The following GLB1L2 variants were observed in gnomAD, a reference collection of about 807,000 sequenced individuals.
The protein encoded by GLB1L2 is galactosidase beta 1 like 2.
A neutral mutation model predicts 84.1 loss-of-function variants in GLB1L2; 68 were observed. The observed-to-expected ratio is 0.81, with a 90% CI of 0.67 to 0.99. GLB1L2 has a LOEUF of 0.99. Among genes scored for constraint, GLB1L2 ranks in the 50% least tolerant of loss-of-function variants. GLB1L2 has a pLI of 0.00. For missense variants in GLB1L2, 762 were observed against 805.6 expected (o/e 0.95, Z 0.66); for synonymous variants, 290 against 318.0 (o/e 0.91, Z 0.94).
At chr11:134,360,462 A>G (rs1332270021) in intron 7 of GLB1L2, 1 of 152,308 alleles carries the variant, frequency 6.6e-6, no homozygotes, top group East Asian at 1.9e-4. Flanking sequence ...GCTGCTTCCA[A>G]GGCCTGCTCC....
rs536856950 is a variant in GLB1L2 at position 134,376,184 on chromosome 11, C to G, written c.*1126C>G. On this transcript the variant is annotated 3_prime_UTR_variant, in exon 19 of 19. Transcript: ENST00000535456. ...TCAGTGGCCCCCGCCCCCCACCCCCCACGCCCGAACAGCAGGGGCAGAGCA... is the reference window on the plus strand; with the variant it reads ...TCAGTGGCCCCCGCCCCCCACCCCCGACGCCCGAACAGCAGGGGCAGAGCA... 6 of 153,214 alleles carry G rather than the reference C, an allele frequency of 3.9e-5. No individual in the cohort carries two copies. The East Asian group carries it at 9.6e-4, about 25-fold the overall frequency. 9.5% of individuals were successfully genotyped at this position (153,214 alleles called of 1,614,324 possible).
At chr11:134,341,305 A>C (rs892681379) in intron 1 of GLB1L2, among the ~76,000 whole-genome samples, 1 of 152,250 alleles carries the variant, frequency 6.6e-6, no homozygotes, top group South Asian at 2.1e-4. Flanking sequence ...AGCCTTTCTG[A>C]GCAGTTGGGA....
At chr11:134,360,750 C>T (rs576739371) in intron 7 of GLB1L2, 5 of 152,120 alleles carry the variant, frequency 3.3e-5, no homozygotes, top group East Asian at 1.9e-4. Flanking sequence ...GCCTACTCTT[C>T]GTTACATTCT....
chr11:134,347,731 C>T (rs1012930772), intron 5 of GLB1L2, among the ~76,000 whole-genome samples: 4 of 152,126 alleles, frequency 2.6e-5, no homozygotes, highest in Non-Finnish European at 5.9e-5. Context: ...AACACGCATC[C>T]ACTGGCATCT....
In GLB1L2 at chr11:134,371,055, T is replaced by C. The variant is rs35804950; in HGVS notation, c.1263T>C (p.Asn421=). The C allele has an allele frequency of 7.2e-3, 11,691 of 1,613,964 alleles. 641 individuals carry two copies. In the African/African-American group the frequency reaches 0.12, roughly 17 times the overall value. The change falls in exon 13 of 19, where the codon AAT becomes AAC. Residue 421 remains asparagine (N), a synonymous_variant. Coordinates refer to ENST00000535456, the MANE Select transcript of GLB1L2 (RefSeq NM_001370461.1). ...TCAACATGGAGAACCTGCCAGTCAA[T>C]GGGGGAAATGGACAGTCCTTCGGGT... ...KPINMENLPV[N]GGNGQSFGYI...
At chr11:134,348,883 G>A (rs901374155) in intron 5 of GLB1L2, among the ~76,000 whole-genome samples, 15 of 152,210 alleles carry the variant, frequency 9.9e-5, no homozygotes, top group African/African-American at 2.7e-4. Context: ...GGCAGAGAGC[G>A]TCAGAGAGCT....
rs532718931 is a variant in GLB1L2, at chr11:134,364,068, A to T, written c.734-260A>T. Among the ~76,000 whole-genome samples the T allele has an allele frequency of 1.1e-3, 160 of 152,106 alleles. 4 individuals are homozygous for T. In the South Asian group the frequency reaches 0.032, roughly 31 times the overall value. Reference sequence around the variant, plus strand: ...AATTTTTTTGTGTATTTTAGTAGAGAGGGGGTTTCACCATGCTGGCCAGGC... The same window carrying T: ...AATTTTTTTGTGTATTTTAGTAGAGTGGGGGTTTCACCATGCTGGCCAGGC... On this transcript the variant is annotated intron_variant, in intron 7 of 18. Coordinates refer to ENST00000535456, the MANE Select transcript of GLB1L2 (RefSeq NM_001370461.1).
intron 7 of GLB1L2, among the ~76,000 whole-genome samples, chr11:134,362,079 T>A (rs566256412): frequency 1.3e-5 from 2 of 152,318 alleles, no homozygotes; most frequent in African/African-American, 4.8e-5. Context: ...TCCTTGTGTT[T>A]GTGTATTGGG....
At chr11:134,353,477 G>A (rs1382283364) in intron 5 of GLB1L2, among the ~76,000 whole-genome samples, 1 of 152,118 alleles carries the variant, frequency 6.6e-6, no homozygotes, top group African/African-American at 2.4e-5. Context: ...CCTGGAGAGT[G>A]TTTTATGTGC....
intron 6 of GLB1L2, 147 bp from the exon 7 acceptor site, chr11:134,358,913 G>A (rs1943743093): frequency 7.0e-6 from 4 of 573,840 alleles, no homozygotes; most frequent in Non-Finnish European, 1.2e-5. Context: ...CAGATGGCAG[G>A]AGACTTTTCT....
chr11:134,363,503 G>T (rs1943826175), intron 7 of GLB1L2, among the ~76,000 whole-genome samples: 1 of 152,198 alleles, frequency 6.6e-6, no homozygotes, highest in Admixed American at 6.5e-5. Flanking sequence ...GGTGGGCGTG[G>T]GCATGCCCGG....
intron 9 of GLB1L2, among the ~76,000 whole-genome samples, chr11:134,367,817 T>G (rs948275057): frequency 6.6e-6 from 1 of 152,220 alleles, no homozygotes; most frequent in Non-Finnish European, 1.5e-5. Context: ...CATGACTGTT[T>G]TAAAGAATGT....
chr11:134,342,552 G>C (rs574321503), intron 1 of GLB1L2, among the ~76,000 whole-genome samples: 206 of 152,156 alleles, frequency 1.4e-3, no homozygotes, highest in Non-Finnish European at 1.6e-3. Flanking sequence ...CTGCAGCCTC[G>C]GCCTGCCCTT....
chr11:134,337,758 C>T (rs997638300), intron 1 of GLB1L2, among the ~76,000 whole-genome samples: 2 of 152,158 alleles, frequency 1.3e-5, no homozygotes, highest in African/African-American at 4.8e-5. Context: ...CTTGCCATCA[C>T]ATGGTGGCCT....
Position 134,332,023 on chromosome 11 carries a change from G to A in GLB1L2, c.-39G>A. On this transcript the variant is annotated 5_prime_UTR_variant, in exon 1 of 19. Coordinates refer to ENST00000535456, the MANE Select transcript of GLB1L2 (RefSeq NM_001370461.1). ...TCCCGCGCGCGGCTGAGTGCGGACT[G>A]GAGTGGGAACCCGGGTCCCCGCGCT... The A allele has an allele frequency of 7.0e-7, 1 of 1,437,826 alleles. No individual in the cohort carries two copies. The highest frequency in any genetic ancestry group is 9.5e-7 in the Non-Finnish European group (1 of 1,055,166). The allele number at this position is 1,437,826 out of a possible 1,614,324, so 89.1% of individuals were successfully genotyped here.
chr11:134,355,031 T>C (rs1943683895), intron 5 of GLB1L2, among the ~76,000 whole-genome samples: 1 of 152,176 alleles, frequency 6.6e-6, no homozygotes, highest in Non-Finnish European at 1.5e-5. Context: ...CACTTTTCTT[T>C]ATTCTTTTAT....
In GLB1L2 at chr11:134,338,106, T is replaced by A. The variant is rs541460535; in HGVS notation, c.87-4648T>A. 6.6e-6 allele frequency among the ~76,000 whole-genome samples: 1 copy of A among 152,196 alleles called. No individual in the cohort carries two copies. Among genetic ancestry groups the A allele is most frequent in the African/African-American group, 2.4e-5 (1 of 41,526 alleles). ...AGTGCTGCCTGGTCTCCACCGGCGG[T>A]CATCGTACTCCGGATGTTCACGGCA... On this transcript the variant is annotated intron_variant, in intron 1 of 18. Transcript: ENST00000535456. This position sits in a 1 kb window ranked among gnomAD's most constrained non-coding sequence, Gnocchi z 6.2.
chr11:134,357,855 G>A (rs2360226), intron 6 of GLB1L2, among the ~76,000 whole-genome samples: 128,861 of 152,278 alleles, frequency 0.85, 54,639 homozygotes, highest in East Asian at 0.95. Context: ...GTGCTCAGGC[G>A]GGAGCAATTA....
rs1050861312 is a variant in GLB1L2, at chr11:134,370,920, C to T, written c.1216-88C>T. ...GAAAACACCCACCAAACCTCCGCTT[C>T]CACCCCATGTGCCAGCCCCCAGGCA... On this transcript the variant is annotated intron_variant, in intron 12 of 18. Coordinates refer to ENST00000535456, the MANE Select transcript of GLB1L2 (RefSeq NM_001370461.1). The surrounding 1 kb of genome is among the most constrained non-coding windows in gnomAD (Gnocchi z 4.7). The T allele has an allele frequency of 2.0e-6, 3 of 1,472,988 alleles. No homozygotes were observed. The highest frequency in any genetic ancestry group is 2.8e-6 in the Non-Finnish European group (3 of 1,072,942). 91.2% of individuals were successfully genotyped at this position (1,472,988 alleles called of 1,614,324 possible).
Sources: allele counts gnomAD v4.1 joint callset (sites outside exome capture counted in the v4.1 genomes callset), GRCh38; gene constraint gnomAD v4.1.1; non-coding constraint Gnocchi (gnomAD v3.1); transcripts MANE v1.5; gene names NCBI Gene and HGNC (gene_info 2026-07-23, HGNC 2026-07-21).